Variants in IL23R observed in about 807,000 individuals in gnomAD.
IL23R encodes interleukin 23 receptor.
Under a neutral mutation model 56.9 loss-of-function variants are expected in IL23R, and 34 were observed. The ratio of observed to expected loss-of-function variants is 0.60; its 90% CI spans 0.45 to 0.80. IL23R has a LOEUF of 0.80. Among genes scored for constraint, IL23R ranks in the 30% least tolerant of loss-of-function variants. The probability of loss-of-function intolerance (pLI) is 0.00; values close to 1 mark genes in which losing one functional copy is unlikely to be tolerated. For synonymous variants in IL23R, 230 were observed against 249.2 expected (o/e 0.92, Z 0.73); for missense variants, 635 against 730.0 (o/e 0.87, Z 1.50).
intron 4 of IL23R, among the ~76,000 whole-genome samples, chr1:67,188,734 T>C (rs1309675209): frequency 6.6e-6 from 1 of 152,162 alleles, no homozygotes; most frequent in East Asian, 1.9e-4. Flanking sequence ...CTGTTCTTCA[T>C]AGATGGTGAC....
chr1:67,145,069 G>A (rs1305610835), intron 1 of IL23R, among the ~76,000 whole-genome samples: 8 of 152,144 alleles, frequency 5.3e-5, no homozygotes, highest in South Asian at 2.1e-4. Context: ...AATAATAGGC[G>A]GCTGGTGGCT....
At chr1:67,251,845 T>A (rs10889674) in intron 9 of IL23R, among the ~76,000 whole-genome samples, 4 of 151,996 alleles carry the variant, frequency 2.6e-5, no homozygotes, top group Non-Finnish European at 4.4e-5. Flanking sequence ...TCTAAAGTAC[T>A]TAATTTTGAG....
chr1:67,217,578 C>T (rs1361212284), intron 6 of IL23R, among the ~76,000 whole-genome samples: 1 of 151,810 alleles, frequency 6.6e-6, no homozygotes. Flanking sequence ...ATCTTTGGCA[C>T]AGTAAGTAAA....
At chr1:67,183,135 T>C (rs1393622084) in intron 4 of IL23R, among the ~76,000 whole-genome samples, 176 bp downstream of exon 4, 2 of 152,220 alleles carry the variant, frequency 1.3e-5, no homozygotes, top group African/African-American at 4.8e-5. Context: ...GCCATTAATA[T>C]TTTCACTCTG....
intron 4 of IL23R, among the ~76,000 whole-genome samples, chr1:67,183,608 A>G (rs1647195290): frequency 6.6e-6 from 1 of 152,172 alleles, no homozygotes; most frequent in South Asian, 2.1e-4. Context: ...CAACAACTTA[A>G]TTTCCCCGAA....
At chr1:67,171,503 A>G (rs1476505118) in intron 3 of IL23R, among the ~76,000 whole-genome samples, 3 of 152,188 alleles carry the variant, frequency 2.0e-5, no homozygotes, top group Non-Finnish European at 4.4e-5. Context: ...TAGGAACAAG[A>G]AATAGAAATT....
At chr1:67,252,445 T>C (rs572568098) in intron 9 of IL23R, among the ~76,000 whole-genome samples, 201 of 152,322 alleles carry the variant, frequency 1.3e-3, no homozygotes, top group Middle Eastern at 0.01. Flanking sequence ...CCAGTTTCTG[T>C]TGTGACTTCT....
chr1:67,204,349 G>A (rs185772926), intron 5 of IL23R, among the ~76,000 whole-genome samples: 4 of 152,252 alleles, frequency 2.6e-5, no homozygotes, highest in Non-Finnish European at 5.9e-5. Context: ...GTAAGATCTG[G>A]TGGAAATATG....
At chr1:67,178,585 C>T (rs1647045281) in intron 3 of IL23R, among the ~76,000 whole-genome samples, 1 of 152,188 alleles carries the variant, frequency 6.6e-6, no homozygotes, top group South Asian at 2.1e-4. Context: ...TTGACTTCCT[C>T]TTTTCCTAAT....
chr1:67,167,922 T>C (rs565630736), intron 1 of IL23R, among the ~76,000 whole-genome samples, 170 bp from the exon 2 acceptor site: 1 of 152,106 alleles, frequency 6.6e-6, no homozygotes, highest in Non-Finnish European at 1.5e-5. Context: ...AATATACCAG[T>C]AACATTTCTT....
chr1:67,253,219 C>T (rs1238110496), intron 9 of IL23R, among the ~76,000 whole-genome samples: 5 of 152,182 alleles, frequency 3.3e-5, no homozygotes, highest in African/African-American at 1.2e-4. Flanking sequence ...GCCCCAAAGT[C>T]CCTTACTCTT....
chr1:67,211,589 C>G (rs1649476098), intron 6 of IL23R, among the ~76,000 whole-genome samples: 1 of 151,426 alleles, frequency 6.6e-6, no homozygotes, highest in South Asian at 2.1e-4. Flanking sequence ...AGCCACTGCA[C>G]TCCAGCCTGG....
At chr1:67,205,926 T>TCTTTC (rs1553291058) in intron 5 of IL23R, among the ~76,000 whole-genome samples, 56 of 102,526 alleles carry the variant, frequency 5.5e-4, no homozygotes, top group African/African-American at 1.8e-3. Flanking sequence ...TTTCTTTCTT[T>TCTTTC]TTCTTTCTTT....
chr1:67,261,250 T>C (rs1316025149), downstream of IL23R, among the ~76,000 whole-genome samples: 1 of 151,872 alleles, frequency 6.6e-6, no homozygotes, highest in Non-Finnish European at 1.5e-5. Context: ...CTTATTTGGA[T>C]AATAAATCAT....
intron 9 of IL23R, among the ~76,000 whole-genome samples, chr1:67,243,259 C>T (rs55954915): frequency 6.6e-6 from 1 of 151,886 alleles, no homozygotes; most frequent in Admixed American, 6.6e-5. Flanking sequence ...GGAGTTTATT[C>T]AAATTGTATA....
At chr1:67,242,588 C>T (rs566379503) in intron 9 of IL23R, among the ~76,000 whole-genome samples, 2 of 152,236 alleles carry the variant, frequency 1.3e-5, no homozygotes, top group East Asian at 1.9e-4. Flanking sequence ...GAGGGACCCT[C>T]CTCAGTTGTG....
chr1:67,214,990 T>C (rs1040930987), intron 6 of IL23R, among the ~76,000 whole-genome samples: 5 of 152,324 alleles, frequency 3.3e-5, no homozygotes, highest in Admixed American at 3.3e-4. Context: ...CTGTTTTGTT[T>C]CTCTCTGACC....
chr1:67,160,256 T>C (rs1175222651), intron 1 of IL23R, among the ~76,000 whole-genome samples: 1 of 152,202 alleles, frequency 6.6e-6, no homozygotes, highest in African/African-American at 2.4e-5. Context: ...AGTACTGAAG[T>C]ATTAAAATGA....
chr1:67,255,078 T>C (rs769766171), intron 9 of IL23R, among the ~76,000 whole-genome samples: 4 of 152,190 alleles, frequency 2.6e-5, no homozygotes, highest in Non-Finnish European at 4.4e-5. Flanking sequence ...AAATCTAGAC[T>C]CAGAACAGCC....
Sources: gnomAD v4.1 joint callset for allele counts (sites outside exome capture counted in the v4.1 genomes callset) on GRCh38, gnomAD v4.1.1 for gene constraint, MANE v1.5 for transcripts, NCBI Gene and HGNC (gene_info 2026-07-23, HGNC 2026-07-21) for gene names.